The following NCOR2 variants were observed in gnomAD, a reference collection of about 807,000 sequenced individuals.
NCOR2 encodes the protein nuclear receptor corepressor 2.
A neutral mutation model predicts 262.9 loss-of-function variants in NCOR2; 81 were observed. That is an observed-to-expected ratio of 0.31 (90% confidence interval 0.26 to 0.37). The LOEUF (loss-of-function observed/expected upper bound fraction) is 0.37, where lower values mean the gene tolerates loss of function less well. NCOR2 is among the 10% of genes least tolerant of loss of function. The pLI is 1.00. For missense variants in NCOR2, 3,385 were observed against 3,621.4 expected, an observed-to-expected ratio of 0.93 and a Z score of 1.68; for synonymous variants, 1,659 against 1,559.3, an observed-to-expected ratio of 1.06 and a Z score of -1.51.
At chr12:124,336,902 G>A in exon 38 of NCOR2, 3 of 1,602,404 alleles carry the variant, frequency 1.9e-6, no homozygotes, top group Non-Finnish European at 2.6e-6. Flanking sequence ...GGCGATGGTG[G>A]CGTGGCCAGA....
chr12:124,332,180 G>C (rs748728137), intron 43 of NCOR2, 139 bp downstream of exon 45: 173 of 1,042,986 alleles, frequency 1.7e-4, no homozygotes, highest in Non-Finnish European at 2.2e-4. Flanking sequence ...CAAAGGGCCT[G>C]GGGGGAGGTG....
At chr12:124,367,497 G>A (rs750352793) in intron 20 of NCOR2, among the ~76,000 whole-genome samples, 27 of 152,200 alleles carry the variant, frequency 1.8e-4, no homozygotes, top group Non-Finnish European at 2.8e-4. Flanking sequence ...GGAGGAGGAA[G>A]GTGGAAAACG....
intron 5 of NCOR2, among the ~76,000 whole-genome samples, chr12:124,463,211 A>G (rs549681505): frequency 6.6e-6 from 1 of 152,304 alleles, no homozygotes; most frequent in East Asian, 1.9e-4. Context: ...CTTGTCCCGG[A>G]ACCAACAGGC....
chr12:124,498,928 G>A (rs546555582), upstream of NCOR2, among the ~76,000 whole-genome samples: 2 of 152,354 alleles, frequency 1.3e-5, no homozygotes, highest in South Asian at 4.1e-4. Flanking sequence ...GAAATGTCCA[G>A]AACAGGCACA....
chr12:124,336,839 G>A (rs757979246), exon 38 of NCOR2: 21 of 1,612,430 alleles, frequency 1.3e-5, no homozygotes, highest in Admixed American at 1.0e-4. Flanking sequence ...GGCAGGTGGC[G>A]CCGGCGGGTC....
At chr12:124,393,809 T>C (rs1302190026) in intron 16 of NCOR2, among the ~76,000 whole-genome samples, 5 of 152,246 alleles carry the variant, frequency 3.3e-5, no homozygotes, top group East Asian at 1.9e-4. Context: ...CTAGTCAGGT[T>C]GGTAGAGATA....
chr12:124,559,404 A>G (rs1477769078), intron 1 of NCOR2, among the ~76,000 whole-genome samples: 2 of 152,128 alleles, frequency 1.3e-5, no homozygotes, highest in South Asian at 2.1e-4. Flanking sequence ...CCGGTTCTCA[A>G]ATGGGACATC....
At chr12:124,347,586 T>C (rs2037043271) in intron 30 of NCOR2, 3 of 526,126 alleles carry the variant, frequency 5.7e-6, no homozygotes, top group East Asian at 6.1e-5. Flanking sequence ...ACAGTTGCTA[T>C]GTGACACCTA....
At chr12:124,392,445 G>A (rs571844630) in intron 16 of NCOR2, among the ~76,000 whole-genome samples, 5 of 152,116 alleles carry the variant, frequency 3.3e-5, no homozygotes, top group East Asian at 1.9e-4. Flanking sequence ...CTCCTTGGAC[G>A]CGAGCCCCGA....
At chr12:124,371,104 T>C (rs1410954078) in intron 20 of NCOR2, among the ~76,000 whole-genome samples, 1 of 152,124 alleles carries the variant, frequency 6.6e-6, no homozygotes, top group African/African-American at 2.4e-5. Context: ...GTAAATCACA[T>C]CTGGCTCTCT....
exon 5 of NCOR2, chr12:124,466,216 G>C: frequency 6.2e-7 from 1 of 1,610,620 alleles, no homozygotes; most frequent in Non-Finnish European, 8.5e-7. Flanking sequence ...GCGGTGCTTC[G>C]ACTCGATGGG....
chr12:124,532,640 G>T (rs1215332314), intron 1 of NCOR2, among the ~76,000 whole-genome samples: 1 of 152,200 alleles, frequency 6.6e-6, no homozygotes. Context: ...TCGTCCTCGG[G>T]TGGGCCACTG....
intron 14 of NCOR2, among the ~76,000 whole-genome samples, chr12:124,400,876 G>A (rs557664868): frequency 6.6e-6 from 1 of 152,358 alleles, no homozygotes; most frequent in Non-Finnish European, 1.5e-5. Context: ...AGAAGTGGGA[G>A]TACAGCTGGC....
rs1338155062 is a variant in NCOR2 at position 124,385,736 on chromosome 12, G to C, written c.2019+9C>G. 1.9e-6 allele frequency: 3 copies of C among 1,613,158 alleles called. No individual in the cohort carries two copies. The highest frequency in any genetic ancestry group is 3.3e-5 in the Admixed American group (2 of 59,980). ...CCAGAGGCGCGGTGCAGCGTGACTG[G>C]GGGCTCACCATCTTCAGCTTGTGCT... is the stretch of plus-strand genomic sequence containing the variant. On this transcript the variant is annotated intron_variant, in intron 17 of 46. Coordinates refer to ENST00000405201, the Ensembl canonical transcript of NCOR2.
chr12:124,336,440 C>A, intron 38 of NCOR2: 1 of 317,548 alleles, frequency 3.1e-6, no homozygotes, highest in Non-Finnish European at 5.4e-6. Context: ...AAATGATGTG[C>A]AAATGATGAG....
intron 5 of NCOR2, among the ~76,000 whole-genome samples, chr12:124,459,739 G>A (rs193013080): frequency 3.9e-5 from 6 of 152,280 alleles, no homozygotes; most frequent in East Asian, 1.9e-4. Context: ...GAACGTGGAC[G>A]CAGGCCACAG....
chr12:124,439,208 GA>G (rs2044638284), intron 7 of NCOR2, among the ~76,000 whole-genome samples: 1 of 151,840 alleles, frequency 6.6e-6, no homozygotes, highest in South Asian at 2.1e-4. Context: ...CCCAGAGACA[GA>G]GGGAGACAGA....
intron 8 of NCOR2, 63 bp from the exon 11 acceptor site, chr12:124,430,850 C>T (rs1384624860): frequency 1.3e-6 from 2 of 1,536,744 alleles, no homozygotes; most frequent in African/African-American, 2.7e-5. Flanking sequence ...CGCCTCCCCC[C>T]TGCCCACTCA....
chr12:124,496,245 A>C, upstream of NCOR2, among the ~76,000 whole-genome samples: 1 of 150,452 alleles, frequency 6.6e-6, no homozygotes, highest in Non-Finnish European at 1.5e-5. This position sits in a 1 kb window ranked among gnomAD's most constrained non-coding sequence, Gnocchi z 4.4. Flanking sequence ...ACCCCCAACA[A>C]GGCTTCTCCC....
Sources: gnomAD v4.1 joint callset for allele counts (sites outside exome capture counted in the v4.1 genomes callset) on GRCh38, gnomAD v4.1.1 for gene constraint, Gnocchi (gnomAD v3.1) non-coding constraint, MANE v1.5 for transcripts, NCBI Gene and HGNC (gene_info 2026-07-23, HGNC 2026-07-21) for gene names.